Variants in CCDC91 observed in about 807,000 individuals in gnomAD.
The protein encoded by CCDC91 is coiled-coil domain-containing protein 91.
Under a neutral mutation model 63.2 loss-of-function variants are expected in CCDC91, and 48 were observed. That is an observed-to-expected ratio of 0.76 (90% CI 0.60 to 0.97). The LOEUF (loss-of-function observed/expected upper bound fraction) is 0.97, where lower values mean the gene tolerates loss of function less well. Ranked by LOEUF, CCDC91 falls within the 50% of genes least tolerant of loss-of-function variation. The pLI, the probability that CCDC91 is intolerant of heterozygous loss-of-function variation, is 0.00. For synonymous variants in CCDC91, 167 were observed against 165.8 expected, an observed-to-expected ratio of 1.01 and a Z score of -0.06; for missense variants, 500 against 494.6, an observed-to-expected ratio of 1.01 and a Z score of -0.10.
chr12:28,529,274 C>T (rs867417229), intron 12 of CCDC91, among the ~76,000 whole-genome samples: 5 of 152,140 alleles, frequency 3.3e-5, no homozygotes, highest in South Asian at 4.2e-4. Flanking sequence ...CAGAATCTTC[C>T]GCAGAGCTTT....
At chr12:28,237,310 G>A (rs1293040463) in intron 1 of CCDC91, among the ~76,000 whole-genome samples, 2 of 149,996 alleles carry the variant, frequency 1.3e-5, no homozygotes, top group Non-Finnish European at 3.0e-5. Context: ...GTCCTTCAAA[G>A]ATATTAGGTC....
chr12:28,503,974 T>C (rs866928803), intron 12 of CCDC91, among the ~76,000 whole-genome samples: 1 of 151,940 alleles, frequency 6.6e-6, no homozygotes, highest in Non-Finnish European at 1.5e-5. Flanking sequence ...TTCGGAGATA[T>C]ACCTAATGCT....
chr12:28,544,424 T>C (rs1942842789), intron 12 of CCDC91, among the ~76,000 whole-genome samples: 1 of 151,992 alleles, frequency 6.6e-6, no homozygotes, highest in Admixed American at 6.6e-5. Flanking sequence ...GTGGATTTGC[T>C]GGATAGCCAT....
Position 28,466,179 on chromosome 12 carries a change from G to A in CCDC91, c.1101+13525G>A, listed in dbSNP as rs116287744. Among the ~76,000 whole-genome samples, 847 of 152,098 alleles carry A rather than the reference G, an allele frequency of 5.6e-3. 8 individuals carry two copies. Among genetic ancestry groups the A allele is most frequent in the African/African-American group, 0.02 (821 of 41,512 alleles). ...CAGGCTATACACAAAGGAGACAAAA[G>A]AATAAAAAACAATGAAGTATGCCTC... On this transcript the variant is annotated intron_variant, in intron 11 of 12. Transcript: ENST00000536442.
At chr12:28,194,280 T>TG (rs967770938) in intron 1 of CCDC91, among the ~76,000 whole-genome samples, 2 of 152,180 alleles carry the variant, frequency 1.3e-5, no homozygotes, top group African/African-American at 4.8e-5. Context: ...TGTGTGTGTA[T>TG]GGATGCCCCA....
intron 6 of CCDC91, among the ~76,000 whole-genome samples, chr12:28,310,193 GT>G (rs910724570): frequency 6.6e-6 from 1 of 152,022 alleles, no homozygotes; most frequent in African/African-American, 2.4e-5. Context: ...ATAACTTTGT[GT>G]TTCTTTGTCT....
intron 8 of CCDC91, among the ~76,000 whole-genome samples, chr12:28,406,864 T>C (rs1248233834): frequency 5.3e-5 from 8 of 152,058 alleles, no homozygotes; most frequent in African/African-American, 1.9e-4. Flanking sequence ...CTGAAAAGCC[T>C]ATTCTTTTAC....
At chr12:28,509,742 C>G (rs1051691699) in intron 12 of CCDC91, among the ~76,000 whole-genome samples, 6 of 151,824 alleles carry the variant, frequency 4.0e-5, no homozygotes, top group African/African-American at 1.4e-4. Context: ...CTCTTCAGCG[C>G]TGATGATTAT....
intron 6 of CCDC91, among the ~76,000 whole-genome samples, chr12:28,330,376 G>C (rs1180446632): frequency 6.6e-6 from 1 of 151,908 alleles, no homozygotes; most frequent in Non-Finnish European, 1.5e-5. Context: ...GTAATGATGG[G>C]CATTTTTTCA....
At chr12:28,494,335 AG>A (rs1417567281) in intron 12 of CCDC91, among the ~76,000 whole-genome samples, 1 of 151,736 alleles carries the variant, frequency 6.6e-6, no homozygotes, top group East Asian at 1.9e-4. Flanking sequence ...AATAGGTTAA[AG>A]CAGGATTCCC....
At chr12:28,467,198 C>T (rs1319381176) in intron 11 of CCDC91, among the ~76,000 whole-genome samples, 1 of 151,938 alleles carries the variant, frequency 6.6e-6, no homozygotes, top group African/African-American at 2.4e-5. Flanking sequence ...AAAAAAGACC[C>T]CTTGATCTGT....
chr12:28,453,883 C>T (rs1949935019), intron 11 of CCDC91, among the ~76,000 whole-genome samples: 1 of 151,976 alleles, frequency 6.6e-6, no homozygotes, highest in Non-Finnish European at 1.5e-5. Flanking sequence ...CCATTCATCA[C>T]TTGAATTGGG....
rs1949740650 is a variant in CCDC91 at position 28,450,331 on chromosome 12, CTG to C, written c.856-17_856-16del. Reference sequence around the variant, plus strand: ...AATAATACATTTAATGTCTTTCCAACTGTTTTATCATTTGACAGGAAATATTG... The same window carrying C: ...AATAATACATTTAATGTCTTTCCAACTTTTATCATTTGACAGGAAATATTG... On this transcript the variant is annotated splice_polypyrimidine_tract_variant and intron_variant, in intron 9 of 12. Coordinates refer to ENST00000536442, the MANE Select transcript of CCDC91 (RefSeq NM_018318.5). 6.2e-7 allele frequency: 1 copy of C among 1,606,226 alleles called. No individual in the cohort carries two copies. The highest frequency in any genetic ancestry group is 1.3e-5 in the African/African-American group (1 of 74,674).
intron 8 of CCDC91, among the ~76,000 whole-genome samples, chr12:28,409,421 A>G (rs1357072179): frequency 6.6e-6 from 1 of 152,066 alleles, no homozygotes; most frequent in African/African-American, 2.4e-5. Flanking sequence ...GTCTTAGTCT[A>G]GATAATTGTA....
At chr12:28,286,949 AT>A (rs1948950596) in intron 3 of CCDC91, among the ~76,000 whole-genome samples, 1 of 151,790 alleles carries the variant, frequency 6.6e-6, no homozygotes, top group South Asian at 2.1e-4. Context: ...TTTGATTTGC[AT>A]TTCTCTAGTG....
At chr12:28,259,481 T>TC (rs1565685489) in intron 3 of CCDC91, 39 bp downstream of exon 3, 3 of 1,351,154 alleles carry the variant, frequency 2.2e-6, no homozygotes, top group East Asian at 4.6e-5. Context: ...TTTTTTTTTT[T>TC]TCCCATGTAA....
intron 12 of CCDC91, among the ~76,000 whole-genome samples, chr12:28,546,571 A>G (rs1943002203): frequency 6.6e-6 from 1 of 152,106 alleles, no homozygotes; most frequent in Non-Finnish European, 1.5e-5. Flanking sequence ...TCCACAAGCT[A>G]TACTAGCACG....
intron 1 of CCDC91, among the ~76,000 whole-genome samples, chr12:28,197,301 T>C (rs777678037): frequency 6.6e-6 from 1 of 152,098 alleles, no homozygotes; most frequent in African/African-American, 2.4e-5. Context: ...TTTTAAGCGG[T>C]TTAGAGTCTG....
intron 7 of CCDC91, among the ~76,000 whole-genome samples, chr12:28,370,963 A>G (rs1290645673): frequency 2.0e-5 from 3 of 152,150 alleles, no homozygotes; most frequent in Non-Finnish European, 4.4e-5. Context: ...TTCCCCTGAC[A>G]TGTGGGAATT....
Sources: gnomAD v4.1 joint callset for allele counts (sites outside exome capture counted in the v4.1 genomes callset) on GRCh38, gnomAD v4.1.1 for gene constraint, MANE v1.5 for transcripts, NCBI Gene and HGNC (gene_info 2026-07-23, HGNC 2026-07-21) for gene names.